SORCS3: variants seen among roughly 807,000 people sequenced by gnomAD.
The protein encoded by SORCS3 is sortilin related VPS10 domain containing receptor 3, also known as VPS10 domain-containing receptor SorCS3.
A neutral mutation model predicts 146.3 loss-of-function variants in SORCS3; 57 were observed. The observed-to-expected ratio is 0.39, with a 90% CI of 0.31 to 0.49. The LOEUF (loss-of-function observed/expected upper bound fraction) is 0.49. Among genes scored for constraint, SORCS3 ranks in the 20% least tolerant of loss-of-function variants. The pLI is 0.92. For missense variants in SORCS3, 1,341 were observed against 1,575.5 expected, an observed-to-expected ratio of 0.85 and a Z score of 2.52; for synonymous variants, 653 against 618.5, an observed-to-expected ratio of 1.06 and a Z score of -0.83.
At chr10:105,013,982 G>GACACACAGACAC (rs764204622) in intron 4 of SORCS3, among the ~76,000 whole-genome samples, 1 of 144,660 alleles carries the variant, frequency 6.9e-6, no homozygotes, top group African/African-American at 2.6e-5. Flanking sequence ...CAGACACACA[G>GACACACAGACAC]ACACACACAC....
intron 5 of SORCS3, among the ~76,000 whole-genome samples, chr10:105,065,756 A>G (rs1329922689): frequency 6.6e-6 from 1 of 152,236 alleles, no homozygotes; most frequent in East Asian, 1.9e-4. Context: ...TTAAAAGACC[A>G]GACCTAACTT....
At chr10:105,014,822 A>G (rs2055155945) in intron 4 of SORCS3, among the ~76,000 whole-genome samples, 1 of 152,296 alleles carries the variant, frequency 6.6e-6, no homozygotes, top group Non-Finnish European at 1.5e-5. Context: ...CTCCTCTTTT[A>G]CCATCTGAGA....
intron 5 of SORCS3, among the ~76,000 whole-genome samples, chr10:105,064,801 G>A (rs1481561244): frequency 3.3e-5 from 5 of 150,980 alleles, no homozygotes; most frequent in African/African-American, 1.2e-4. Context: ...AGCCCACTGA[G>A]TGATGCCTGC....
intron 6 of SORCS3, among the ~76,000 whole-genome samples, chr10:105,098,522 G>A (rs1275819138): frequency 6.6e-6 from 1 of 152,154 alleles, no homozygotes; most frequent in East Asian, 1.9e-4. Flanking sequence ...GTAAAGGTTA[G>A]AATCACAGGT....
intron 1 of SORCS3, among the ~76,000 whole-genome samples, chr10:104,714,588 GTC>G (rs1313594901): frequency 6.6e-6 from 1 of 152,100 alleles, no homozygotes; most frequent in Non-Finnish European, 1.5e-5. Context: ...TTGGTTTCTA[GTC>G]TAATTCCACT....
intron 20 of SORCS3, among the ~76,000 whole-genome samples, chr10:105,242,610 A>ATATATTTATATATATTTATATACATT (rs2056837316): frequency 1.0e-5 from 1 of 98,896 alleles, no homozygotes; most frequent in Non-Finnish European, 1.8e-5. Context: ...ATATACATTT[A>ATATATTTATATATATTTATATACATT]TATATATTTA....
At chr10:105,227,576 C>A (rs1487506042) in intron 20 of SORCS3, among the ~76,000 whole-genome samples, 2 of 152,010 alleles carry the variant, frequency 1.3e-5, no homozygotes, top group Non-Finnish European at 2.9e-5. Flanking sequence ...GTCTAATGTG[C>A]AGTTTAAGTG....
intron 2 of SORCS3, among the ~76,000 whole-genome samples, chr10:104,870,087 TA>T (rs2018502824): frequency 6.6e-6 from 1 of 152,256 alleles, no homozygotes; most frequent in South Asian, 2.1e-4. Context: ...TCATTATCAT[TA>T]TTTCTGTTCT....
chr10:105,177,873 C>T (rs1029974790), intron 13 of SORCS3, among the ~76,000 whole-genome samples, 193 bp from the exon 14 acceptor site: 8 of 152,022 alleles, frequency 5.3e-5, no homozygotes, highest in African/African-American at 1.4e-4. Context: ...GTGCTGTCTC[C>T]GCCCAAGTCC....
intron 1 of SORCS3, among the ~76,000 whole-genome samples, chr10:104,838,971 C>A (rs2018105101): frequency 6.6e-6 from 1 of 152,168 alleles, no homozygotes; most frequent in Admixed American, 6.5e-5. Flanking sequence ...ATTGCCAAGG[C>A]TTAACCTTGA....
chr10:104,906,117 T>C (rs1436798007), intron 2 of SORCS3, among the ~76,000 whole-genome samples: 2 of 152,216 alleles, frequency 1.3e-5, no homozygotes, highest in Non-Finnish European at 2.9e-5. Context: ...GGGCCCCGAC[T>C]GGCTCTATGT....
rs968306173 is a variant in SORCS3, at chr10:105,041,041, CAT to C, written c.955-2006_955-2005del. 2.6e-3 allele frequency among the ~76,000 whole-genome samples: 381 copies of C among 144,070 alleles called. 1 individual carries two copies. Among genetic ancestry groups the C allele is most frequent in the Non-Finnish European group, 4.3e-3 (285 of 66,760 alleles). The allele number at this position is 144,070 out of a possible 152,430, so 94.5% of individuals were successfully genotyped here. A position where few individuals can be genotyped will look rare whatever the true frequency, so the allele number is the denominator to read the frequency against. The stretch of plus-strand genomic sequence containing the variant: ...ATATTCATTTTATATACATTTTTAG[CAT>C]ATATATAAGAAATATATAAATATAT... On this transcript the variant is annotated intron_variant, in intron 4 of 26. Transcript: ENST00000369701.
chr10:104,988,727 A>T (rs988182656), intron 4 of SORCS3, among the ~76,000 whole-genome samples: 34 of 152,242 alleles, frequency 2.2e-4, no homozygotes, highest in Admixed American at 2.0e-4. Flanking sequence ...AATATGTATT[A>T]TGCTTTAAAT....
At chr10:104,778,961 A>AG (rs1406760136) in intron 1 of SORCS3, among the ~76,000 whole-genome samples, 1 of 152,060 alleles carries the variant, frequency 6.6e-6, no homozygotes, top group Non-Finnish European at 1.5e-5. Context: ...AAGGATCTTG[A>AG]GGGGGGATCA....
chr10:104,808,137 C>CA (rs2017699581), intron 1 of SORCS3, among the ~76,000 whole-genome samples: 1 of 152,072 alleles, frequency 6.6e-6, no homozygotes, highest in African/African-American at 2.4e-5. Context: ...AAATATTTTC[C>CA]AAATGGTTGC....
chr10:104,919,425 T>A (rs1227366709), intron 3 of SORCS3, among the ~76,000 whole-genome samples: 2 of 152,060 alleles, frequency 1.3e-5, no homozygotes, highest in African/African-American at 2.4e-5. Flanking sequence ...GCACAGTGGC[T>A]CATGCCTGTA....
At chr10:104,941,545 C>A (rs1168336226) in intron 3 of SORCS3, among the ~76,000 whole-genome samples, 3 of 152,090 alleles carry the variant, frequency 2.0e-5, no homozygotes, top group Admixed American at 6.6e-5. Flanking sequence ...CTCAAGGCCA[C>A]CAGCTTTGTT....
At chr10:105,106,577 T>C (rs1259144886) in intron 7 of SORCS3, among the ~76,000 whole-genome samples, 1 of 152,206 alleles carries the variant, frequency 6.6e-6, no homozygotes, top group Admixed American at 6.6e-5. Flanking sequence ...TAACAAGATG[T>C]CTTTGCATAT....
At chr10:104,713,772 A>T (rs533959261) in intron 1 of SORCS3, among the ~76,000 whole-genome samples, 60 of 152,242 alleles carry the variant, frequency 3.9e-4, no homozygotes, top group African/African-American at 1.3e-3. Context: ...CAATGCTGTT[A>T]TCTGGTTTGG....
Sources: gnomAD v4.1 joint callset for allele counts (sites outside exome capture counted in the v4.1 genomes callset) on GRCh38, gnomAD v4.1.1 for gene constraint, MANE v1.5 for transcripts, NCBI Gene and HGNC (gene_info 2026-07-23, HGNC 2026-07-21) for gene names.